The following MALRD1 variants were observed in gnomAD, a reference collection of about 807,000 sequenced individuals.
The protein encoded by MALRD1 is MAM and LDL-receptor class A domain-containing protein 1.
In MALRD1, 247 loss-of-function variants were observed where a neutral mutation model predicts 242.1. The observed-to-expected ratio is 1.02, with a 90% CI of 0.92 to 1.13. The LOEUF is 1.13. Ranked by LOEUF, MALRD1 falls within the 50% of genes most tolerant of loss-of-function variation. The pLI, the probability that MALRD1 is intolerant of heterozygous loss-of-function variation, is 0.00. For missense variants in MALRD1, 2,989 were observed against 2,533.1 expected, an observed-to-expected ratio of 1.18 and a Z score of -3.86; for synonymous variants, 995 against 866.6, an observed-to-expected ratio of 1.15 and a Z score of -2.60.
At chr10:19,507,714 T>A (rs1447438303) in intron 31 of MALRD1, among the ~76,000 whole-genome samples, 2 of 152,220 alleles carry the variant, frequency 1.3e-5, no homozygotes, top group African/African-American at 4.8e-5. Flanking sequence ...CCAATAGTCA[T>A]GATAATAATA....
chr10:19,111,654 T>C (rs1240101176), intron 5 of MALRD1, among the ~76,000 whole-genome samples: 1 of 152,248 alleles, frequency 6.6e-6, no homozygotes, highest in Non-Finnish European at 1.5e-5. Flanking sequence ...AACCCTATTT[T>C]TAGGCTTTGC....
At chr10:19,265,625 G>T (rs1045193173) in intron 19 of MALRD1, among the ~76,000 whole-genome samples, 1 of 152,064 alleles carries the variant, frequency 6.6e-6, no homozygotes, top group South Asian at 2.1e-4. Flanking sequence ...GTTAATGCTT[G>T]TTTTGTGGAC....
At chr10:19,051,386 G>T in intron 1 of MALRD1, 1 of 152,388 alleles carries the variant, frequency 6.6e-6, no homozygotes. Flanking sequence ...CATAGCTGAA[G>T]TTAAATTTCT....
intron 18 of MALRD1, among the ~76,000 whole-genome samples, chr10:19,231,047 C>T (rs529754945): frequency 8.5e-5 from 13 of 152,212 alleles, no homozygotes; most frequent in Admixed American, 2.0e-4. Context: ...GTTGGCAAAT[C>T]ATGCCTCTCA....
At chr10:19,353,879 T>C (rs1459768222) in intron 26 of MALRD1, among the ~76,000 whole-genome samples, 1 of 152,034 alleles carries the variant, frequency 6.6e-6, no homozygotes, top group Non-Finnish European at 1.5e-5. Context: ...TTTGTTTGTT[T>C]GTTTGTTTGT....
At chr10:19,697,138 A>G (rs1484462993) in intron 38 of MALRD1, among the ~76,000 whole-genome samples, 1 of 152,130 alleles carries the variant, frequency 6.6e-6, no homozygotes, top group African/African-American at 2.4e-5. Context: ...ACAGAGATAG[A>G]GACAGAGAGA....
intron 29 of MALRD1, among the ~76,000 whole-genome samples, chr10:19,454,711 C>G (rs999742405): frequency 8.7e-5 from 9 of 103,396 alleles, no homozygotes; most frequent in African/African-American, 3.8e-4. Context: ...TCCGTGCACA[C>G]GTACACACAC....
chr10:19,672,430 G>A (rs867558645), intron 36 of MALRD1, among the ~76,000 whole-genome samples: 3,483 of 56,436 alleles, frequency 0.062, 112 homozygotes, highest in African/African-American at 0.17. Context: ...TTTTTTTTTT[G>A]TATTTTGTTT....
At chr10:19,060,792 AAGTTATCTACC>A (rs1834801011) in intron 1 of MALRD1, among the ~76,000 whole-genome samples, 1 of 152,218 alleles carries the variant, frequency 6.6e-6, no homozygotes, top group South Asian at 2.1e-4. Flanking sequence ...TTTGTCAGCA[AAGTTATCTACC>A]TTGAAGATTC....
At chr10:19,341,067 G>A (rs1267176225) in intron 24 of MALRD1, among the ~76,000 whole-genome samples, 1 of 151,794 alleles carries the variant, frequency 6.6e-6, no homozygotes, top group Non-Finnish European at 1.5e-5. Flanking sequence ...ATATTTATTG[G>A]TTTTAATATT....
At chr10:19,246,481 G>T (rs1169656904) in intron 18 of MALRD1, among the ~76,000 whole-genome samples, 1 of 152,094 alleles carries the variant, frequency 6.6e-6, no homozygotes, top group Non-Finnish European at 1.5e-5. Flanking sequence ...AGGGGAAAAA[G>T]CCTGGATGTA....
chr10:19,049,047 A>G lies in MALRD1; in HGVS notation c.109A>G (p.Ser37Gly). ...NSTLAQQGTE[S>G]FQCDNGVSLP... ...TACACTGGCTCAGCAAGGGACAGAA[A>G]GCTTTCAGTGTGACAATGGAGTCTC... Residue 37 changes from serine to glycine, a missense_variant, in exon 1 of 40, where the codon AGC becomes GGC. Transcript: ENST00000454679. The G allele has an allele frequency of 1.6e-6, 2 of 1,233,910 alleles. No individual in the cohort carries two copies. Among genetic ancestry groups the G allele is most frequent in the Non-Finnish European group, 2.0e-6 (2 of 988,140 alleles). The allele number at this position is 1,233,910 out of a possible 1,614,324, so 76.4% of individuals were successfully genotyped here.
chr10:19,623,486 C>T (rs1413820115), intron 36 of MALRD1, among the ~76,000 whole-genome samples: 29 of 152,046 alleles, frequency 1.9e-4, no homozygotes, highest in Admixed American at 1.9e-3. Flanking sequence ...TGGGAAATCC[C>T]ACAACATGCC....
chr10:19,388,906 C>G (rs1375001952), intron 27 of MALRD1, among the ~76,000 whole-genome samples: 1 of 121,808 alleles, frequency 8.2e-6, no homozygotes, highest in East Asian at 2.6e-4. Flanking sequence ...AAAAGAAAAA[C>G]TGACCAAGGC....
chr10:19,350,177 A>ATT (rs953271456), intron 25 of MALRD1, among the ~76,000 whole-genome samples: 1 of 150,520 alleles, frequency 6.6e-6, no homozygotes, highest in African/African-American at 2.4e-5. Flanking sequence ...GAGATAATCA[A>ATT]TTTTTTTTTC....
At chr10:19,458,075 A>G (rs914682520) in intron 29 of MALRD1, among the ~76,000 whole-genome samples, 5 of 152,108 alleles carry the variant, frequency 3.3e-5, no homozygotes, top group East Asian at 1.9e-4. Flanking sequence ...ATACACTGCA[A>G]TGCACCTTTT....
In MALRD1 at chr10:19,725,981, G is replaced by A. The variant is rs559714858; in HGVS notation, c.6315-4725G>A. 2.8e-4 allele frequency among the ~76,000 whole-genome samples: 42 copies of A among 152,260 alleles called. No individual in the cohort carries two copies. The South Asian group carries it at 4.6e-3, about 17-fold the overall frequency. On this transcript the variant is annotated intron_variant, in intron 38 of 39. Coordinates refer to ENST00000454679, the MANE Select transcript of MALRD1 (RefSeq NM_001142308.3). Reference sequence around the variant, plus strand: ...CAAGGAGCTACATGTAAGAGCAAAAGCCATAATGCATTTAAAAGAAAACAT... The same window carrying A: ...CAAGGAGCTACATGTAAGAGCAAAAACCATAATGCATTTAAAAGAAAACAT...
intron 23 of MALRD1, among the ~76,000 whole-genome samples, chr10:19,328,825 G>A (rs1008929641): frequency 6.6e-6 from 1 of 152,092 alleles, no homozygotes; most frequent in Non-Finnish European, 1.5e-5. Flanking sequence ...TCATAGCCTT[G>A]CGCAACATGA....
intron 14 of MALRD1, among the ~76,000 whole-genome samples, chr10:19,201,723 G>A (rs575654162): frequency 6.6e-6 from 1 of 152,182 alleles, no homozygotes; most frequent in African/African-American, 2.4e-5. Flanking sequence ...AATATCCTTT[G>A]CATTTTATTT....
Sources: gnomAD v4.1 joint callset for allele counts (sites outside exome capture counted in the v4.1 genomes callset) on GRCh38, gnomAD v4.1.1 for gene constraint, MANE v1.5 for transcripts, NCBI Gene and HGNC (gene_info 2026-07-23, HGNC 2026-07-21) for gene names.